The following UNC5B variants were observed in gnomAD, a reference collection of about 807,000 sequenced individuals.
The protein encoded by UNC5B is netrin receptor UNC5B.
In UNC5B, 56 loss-of-function variants were observed where a neutral mutation model predicts 103.7. The observed-to-expected ratio is 0.54, with a 90% CI of 0.44 to 0.67. The LOEUF is 0.67. Among genes scored for constraint, UNC5B ranks in the 30% least tolerant of loss-of-function variants. The pLI is 0.00. For synonymous variants in UNC5B, 577 were observed against 542.0 expected (o/e 1.06, Z -0.90); for missense variants, 1,194 against 1,284.5 (o/e 0.93, Z 1.08).
intron 1 of UNC5B, among the ~76,000 whole-genome samples, chr10:71,267,294 C>T (rs1472426081): frequency 2.6e-5 from 4 of 152,162 alleles, no homozygotes; most frequent in Admixed American, 2.0e-4. Context: ...ACAGCACCAA[C>T]GCATTTCACC....
At chr10:71,226,822 A>G (rs1214690954) in intron 1 of UNC5B, among the ~76,000 whole-genome samples, 1 of 152,240 alleles carries the variant, frequency 6.6e-6, no homozygotes, top group Non-Finnish European at 1.5e-5. Flanking sequence ...ATAGATGCTG[A>G]ACAAAGCTTG....
intron 1 of UNC5B, among the ~76,000 whole-genome samples, chr10:71,273,131 C>T (rs572796060): frequency 1.7e-4 from 26 of 152,380 alleles, no homozygotes; most frequent in Middle Eastern, 3.4e-3. Context: ...TCAGGTGATC[C>T]GCCCGCCTTG....
intron 9 of UNC5B, 141 bp downstream of exon 9, chr10:71,291,250 G>A: frequency 1.5e-6 from 2 of 1,323,016 alleles, no homozygotes; most frequent in Non-Finnish European, 2.1e-6. Context: ...ATGTGGATGG[G>A]TATGGATTAG....
At chr10:71,258,602 C>T (rs1198806151) in intron 1 of UNC5B, among the ~76,000 whole-genome samples, 1 of 152,192 alleles carries the variant, frequency 6.6e-6, no homozygotes, top group African/African-American at 2.4e-5. Context: ...TCTTGGGCAG[C>T]GTCCTTTCAG....
intron 16 of UNC5B, 76 bp downstream of exon 16, chr10:71,298,166 GC>G: frequency 6.7e-7 from 1 of 1,490,818 alleles, no homozygotes; most frequent in Non-Finnish European, 9.0e-7. Context: ...AGGGCAGGCA[GC>G]CTGACAGCCA....
chr10:71,298,568 A>T (rs1279022016), intron 16 of UNC5B, among the ~76,000 whole-genome samples: 2 of 152,234 alleles, frequency 1.3e-5, no homozygotes, highest in Non-Finnish European at 2.9e-5. Flanking sequence ...AATAAATATT[A>T]TACTTATTGA....
chr10:71,293,028 T>G (rs74147815), intron 11 of UNC5B, among the ~76,000 whole-genome samples: 4,596 of 152,280 alleles, frequency 0.03, 246 homozygotes, highest in African/African-American at 0.11. Flanking sequence ...GATAATACCC[T>G]CTTGCTGGCA....
intron 1 of UNC5B, among the ~76,000 whole-genome samples, chr10:71,225,469 C>T (rs1843542713): frequency 6.6e-6 from 1 of 152,212 alleles, no homozygotes; most frequent in Non-Finnish European, 1.5e-5. Context: ...TTTGTGCCCC[C>T]ATACCCTGAC....
chr10:71,255,568 T>G (rs2132275087), intron 1 of UNC5B, among the ~76,000 whole-genome samples: 1 of 152,296 alleles, frequency 6.6e-6, no homozygotes, highest in African/African-American at 2.4e-5. Context: ...GGGACAGGCT[T>G]TACTAAGAGG....
intron 1 of UNC5B, among the ~76,000 whole-genome samples, chr10:71,240,730 G>A (rs928004157): frequency 9.9e-5 from 15 of 152,240 alleles, no homozygotes; most frequent in African/African-American, 3.6e-4. Flanking sequence ...GGGAGGATGG[G>A]GGCAGGAACA....
chr10:71,288,426 C>G (rs1012342196), intron 6 of UNC5B, 142 bp from the exon 7 acceptor site: 2 of 1,255,674 alleles, frequency 1.6e-6, no homozygotes, highest in Middle Eastern at 2.8e-4. Context: ...CTCTGTGTGG[C>G]ACACATGTGT....
chr10:71,214,057 A>T (rs976706592), intron 1 of UNC5B, among the ~76,000 whole-genome samples: 8 of 152,014 alleles, frequency 5.3e-5, no homozygotes, highest in African/African-American at 1.9e-4. Flanking sequence ...TCTCTCTGGT[A>T]CCCGAACCCA....
chr10:71,227,110 G>A (rs371972354), intron 1 of UNC5B, among the ~76,000 whole-genome samples: 20 of 151,686 alleles, frequency 1.3e-4, no homozygotes, highest in African/African-American at 3.9e-4. Flanking sequence ...TCAGCCTCCC[G>A]AGTAGCTGGA....
intron 1 of UNC5B, among the ~76,000 whole-genome samples, chr10:71,268,784 G>A (rs1461961816): frequency 2.0e-5 from 3 of 152,290 alleles, no homozygotes; most frequent in East Asian, 3.9e-4. Flanking sequence ...GTCTGGCCTC[G>A]TCCGGGCAGC....
At position 71,213,728 on chromosome 10, in the gene UNC5B, A is replaced by AGAGAGTGTGTGTGTGTGTGT. The variant is rs144371231; in HGVS notation, c.79+665_79+666insAGAGTGTGTGTGTGTGTGTG. ...ATTATTAATTTTCTGAGTGTTGGAG[A>AGAGAGTGTGTGTGTGTGTGT]GTGTGTGTGTGTGTGTGTGTGTGTG... On this transcript the variant is annotated intron_variant, in intron 1 of 16. Coordinates refer to ENST00000335350, the MANE Select transcript of UNC5B (RefSeq NM_170744.5). The surrounding 1 kb of genome is among the most constrained non-coding windows in gnomAD (Gnocchi z 4.1). Among the ~76,000 whole-genome samples, 11 of 131,474 alleles carry AGAGAGTGTGTGTGTGTGTGT rather than the reference A, an allele frequency of 8.4e-5. No homozygotes were observed. Among genetic ancestry groups the AGAGAGTGTGTGTGTGTGTGT allele is most frequent in the African/African-American group, 3.2e-4 (11 of 34,208 alleles). The allele number at this position is 131,474 out of a possible 152,430, so 86.3% of individuals were successfully genotyped here.
intron 1 of UNC5B, among the ~76,000 whole-genome samples, chr10:71,263,016 G>C (rs1469056057): frequency 6.6e-6 from 1 of 152,220 alleles, no homozygotes; most frequent in African/African-American, 2.4e-5. Flanking sequence ...GTGCAGTCAG[G>C]GCTCTCTGGG....
At chr10:71,283,539 A>G (rs567655343) in intron 2 of UNC5B, among the ~76,000 whole-genome samples, 6 of 152,254 alleles carry the variant, frequency 3.9e-5, no homozygotes, top group South Asian at 2.1e-4. Context: ...TTAACAATCC[A>G]TGGTGCAATG....
intron 1 of UNC5B, among the ~76,000 whole-genome samples, chr10:71,232,520 G>T (rs1843703852): frequency 6.6e-6 from 1 of 152,276 alleles, no homozygotes; most frequent in African/African-American, 2.4e-5. Flanking sequence ...GGGGCTGGAG[G>T]GGGAGGGGCT....
chr10:71,291,832 G>A lies in UNC5B; in HGVS notation c.1684+11G>A, dbSNP rs1845273008. The A allele has an allele frequency of 6.3e-6, 10 of 1,579,616 alleles. No individual in the cohort carries two copies. Among genetic ancestry groups the A allele is most frequent in the Non-Finnish European group, 7.7e-6 (9 of 1,168,858 alleles). On this transcript the variant is annotated intron_variant, in intron 10 of 16. Coordinates refer to ENST00000335350, the MANE Select transcript of UNC5B (RefSeq NM_170744.5). ...GCATCCCCGGCACAGGTGAGCCCCT[G>A]CCCTGCTTGTGCGTCAGCCTGGCCT...
Sources: allele counts gnomAD v4.1 joint callset (sites outside exome capture counted in the v4.1 genomes callset), GRCh38; gene constraint gnomAD v4.1.1; non-coding constraint Gnocchi (gnomAD v3.1); transcripts MANE v1.5; gene names NCBI Gene and HGNC (gene_info 2026-07-23, HGNC 2026-07-21).